The following ASAH1 variants were observed in gnomAD, a reference collection of about 807,000 sequenced individuals.
The protein encoded by ASAH1 is acid ceramidase.
Under a neutral mutation model 59.5 loss-of-function variants are expected in ASAH1, and 70 were observed. The observed-to-expected ratio is 1.18, with a 90% CI of 0.97 to 1.43. ASAH1 has a LOEUF of 1.43. ASAH1 is among the 40% of genes most tolerant of loss of function. The probability of loss-of-function intolerance (pLI) is 0.00; values close to 1 mark genes in which losing one functional copy is unlikely to be tolerated. For missense variants in ASAH1, 660 were observed against 482.5 expected, an observed-to-expected ratio of 1.37 and a Z score of -3.45; for synonymous variants, 213 against 166.5, an observed-to-expected ratio of 1.28 and a Z score of -2.15.
intron 6 of ASAH1, chr8:18,063,525 G>T (rs563396516): frequency 1.4e-4 from 42 of 298,494 alleles, no homozygotes; most frequent in Non-Finnish European, 2.5e-4. Context: ...TACCATGTTG[G>T]CCAGTCTGGT....
At chr8:18,080,904 T>G (rs1800624725) in intron 1 of ASAH1, among the ~76,000 whole-genome samples, 1 of 152,190 alleles carries the variant, frequency 6.6e-6, no homozygotes, top group East Asian at 1.9e-4. Flanking sequence ...GACACATACA[T>G]GTGCAAGTTA....
In ASAH1 at chr8:18,056,393, C is replaced by G. The variant is rs1799471286; in HGVS notation, c.*1141G>C. The stretch of plus-strand genomic sequence containing the variant: ...CTTGTATTTCTTGATAATAACCCCC[C>G]TCCTCCAAACCAACACAGATGTACA... On this transcript the variant is annotated 3_prime_UTR_variant, in exon 14 of 14. Transcript: ENST00000637790. 6.6e-6 allele frequency: 1 copy of G among 152,168 alleles called. No individual in the cohort carries two copies. Among genetic ancestry groups the G allele is most frequent in the Non-Finnish European group, 1.5e-5 (1 of 68,042 alleles). 9.4% of individuals were successfully genotyped at this position (152,168 alleles called of 1,614,324 possible).
intron 10 of ASAH1, 164 bp downstream of exon 10, chr8:18,061,213 G>A: frequency 1.7e-6 from 1 of 602,052 alleles, no homozygotes; most frequent in Admixed American, 2.6e-5. Flanking sequence ...CACACAGTCT[G>A]CACGAAGAAA....
At chr8:18,063,255 C>G in intron 6 of ASAH1, 25 bp from the exon 7 acceptor site, 1 of 1,581,148 alleles carries the variant, frequency 6.3e-7, no homozygotes, top group Non-Finnish European at 8.7e-7. Flanking sequence ...ACAGAAGAGA[C>G]GTGTAATAGC....
chr8:18,075,390 A>G, intron 2 of ASAH1, 151 bp downstream of exon 2: 1 of 865,198 alleles, frequency 1.2e-6, no homozygotes, highest in Non-Finnish European at 2.0e-6. Context: ...CCAAATGCAT[A>G]ATAAACAAAT....
intron 6 of ASAH1, 95 bp downstream of exon 6, chr8:18,064,362 T>C (rs1014612561): frequency 1.7e-5 from 17 of 986,840 alleles, no homozygotes; most frequent in African/African-American, 9.7e-5. Context: ...AGAATTTACA[T>C]AGCAAGCCCA....
Position 18,083,976 on chromosome 8 carries a change from C to G in ASAH1, c.78+5G>C, listed in dbSNP as rs1485583009. On this transcript the variant is annotated splice_donor_5th_base_variant and intron_variant, in intron 1 of 13. Transcript: ENST00000637790. ...CTCTCTGCGCCTCGGCTCAAGCTCA[C>G]TCACCGGCGGCGCGTGCTGCGCGAC... 6.3e-7 allele frequency: 1 copy of G among 1,597,692 alleles called. No homozygotes were observed. The highest frequency in any genetic ancestry group is 1.1e-5 in the South Asian group (1 of 90,936).
intron 2 of ASAH1, among the ~76,000 whole-genome samples, chr8:18,072,446 G>T (rs983967750): frequency 2.0e-5 from 3 of 152,142 alleles, no homozygotes; most frequent in African/African-American, 7.2e-5. Context: ...TGGGGCCCTG[G>T]TATATGTATG....
In ASAH1 at chr8:18,059,429, T is replaced by A; in HGVS notation, c.953A>T (p.Gln318Leu). The A allele has an allele frequency of 3.7e-6, 6 of 1,614,230 alleles. No homozygotes were observed. Among genetic ancestry groups the A allele is most frequent in the Non-Finnish European group, 5.1e-6 (6 of 1,180,044 alleles). ...DAKQGRWYVV[Q>L]TNYDRWKHPF... Reference sequence around the variant, plus strand: ...ATGTTTCCAACGGTCATAATTTGTTTGTACCACATACCATCTACCCTGCTT... The same window carrying A: ...ATGTTTCCAACGGTCATAATTTGTTAGTACCACATACCATCTACCCTGCTT... The change falls in exon 12 of 14, where the codon CAA becomes CTA. Residue 318 changes from glutamine (Q) to leucine (L), a missense_variant. Gln to Leu is a moderately radical substitution (Grantham distance 113, BLOSUM62 -2). Transcript: ENST00000637790.
chr8:18,066,546 C>CAAAAAAAAGG (rs926411201), intron 5 of ASAH1: 1 of 149,430 alleles, frequency 6.7e-6, no homozygotes, highest in African/African-American at 2.5e-5. Flanking sequence ...TTGACACTAA[C>CAAAAAAAAGG]AAAAAAAAAG....
At chr8:18,077,569 AG>A (rs1385964906) in intron 1 of ASAH1, among the ~76,000 whole-genome samples, 2 of 152,246 alleles carry the variant, frequency 1.3e-5, no homozygotes, top group Admixed American at 6.5e-5. Flanking sequence ...GTATGTTGAC[AG>A]TCAAGAAAAA....
rs1799849914 is a variant in ASAH1 at position 18,064,532 on chromosome 8, C to G, written c.383-1G>C. On this transcript the variant is annotated splice_acceptor_variant, in intron 5 of 13. Coordinates refer to ENST00000637790, the MANE Select transcript of ASAH1 (RefSeq NM_177924.5). LOFTEE classifies it high-confidence loss of function. ...AAAATATTGAATGAAATAATCTCTC[C>G]TATGAGAAAAGAAAATTTTGTGTTA... 1.3e-6 allele frequency: 2 copies of G among 1,515,188 alleles called. No homozygotes were observed. Among genetic ancestry groups the G allele is most frequent in the African/African-American group, 2.8e-5 (2 of 71,960 alleles). 93.9% of individuals were successfully genotyped at this position (1,515,188 alleles called of 1,614,324 possible). A position where few individuals can be genotyped will look rare whatever the true frequency, so the allele number is the denominator to read the frequency against.
chr8:18,081,195 T>C (rs1196749963), intron 1 of ASAH1, among the ~76,000 whole-genome samples: 1 of 152,154 alleles, frequency 6.6e-6, no homozygotes, highest in Non-Finnish European at 1.5e-5. Flanking sequence ...ACTTCAGCAA[T>C]GTGCAGGTCA....
At chr8:18,062,548 G>A (rs1254840349) in intron 7 of ASAH1, 125 bp from the exon 8 acceptor site, 10 of 1,070,016 alleles carry the variant, frequency 9.3e-6, no homozygotes, top group Non-Finnish European at 1.3e-5. Context: ...ATCCTAACAA[G>A]ACCTTTACAA....
intron 7 of ASAH1, chr8:18,062,653 C>CAGAT (rs1799755077): frequency 1.8e-6 from 1 of 549,946 alleles, no homozygotes; most frequent in Non-Finnish European, 3.2e-6. Context: ...AATAGTGAGC[C>CAGAT]TCAGATTCAA....
intron 1 of ASAH1, among the ~76,000 whole-genome samples, chr8:18,080,610 T>G (rs553920497): frequency 2.0e-5 from 3 of 152,310 alleles, no homozygotes; most frequent in South Asian, 4.1e-4. Context: ...CAGGCTGGAG[T>G]GCAATGGCAG....
At position 18,075,585 on chromosome 8, in the gene ASAH1, C is replaced by T; in HGVS notation, c.81G>A (p.Trp27Ter). Reference protein sequence around the residue: ...SCAVAQHAPPWTEDCRKSTYP... With the variant: ...SCAVAQHAPP ...AGGTTGATTTTCTGCAGTCCTCTGT[C>T]CACTGAAAAGCAAAGAAAATTAAGT... The change falls in exon 2 of 14, where the codon TGG becomes TGA. Residue 27 changes from tryptophan to a stop codon, truncating the protein, a stop_gained and splice_region_variant. Transcript: ENST00000637790. LOFTEE classifies it high-confidence loss of function. 1 of 1,614,046 alleles carries T rather than the reference C, an allele frequency of 6.2e-7. No homozygotes were observed. The highest frequency in any genetic ancestry group is 1.3e-5 in the African/African-American group (1 of 75,024).
intron 12 of ASAH1, 158 bp from the exon 13 acceptor site, chr8:18,059,049 G>C (rs1799581112): frequency 2.8e-6 from 2 of 712,092 alleles, no homozygotes; most frequent in Admixed American, 2.7e-5. Context: ...AGAAACACAG[G>C]TAACAGTTTT....
In ASAH1 at chr8:18,058,954, C is replaced by T. The variant is rs1490729019; in HGVS notation, c.1042-63G>A. On this transcript the variant is annotated intron_variant, in intron 12 of 13. Coordinates refer to ENST00000637790, the MANE Select transcript of ASAH1 (RefSeq NM_177924.5). ...ATACAGAAGCCAACAGCCTTATCTA[C>T]ACACATGGGCCACCAGAAACCAAGA... 4 of 1,400,666 alleles carry T rather than the reference C, an allele frequency of 2.9e-6. No homozygotes were observed. In the African/African-American group the frequency reaches 4.3e-5, roughly 15 times the overall value. 86.8% of individuals were successfully genotyped at this position (1,400,666 alleles called of 1,614,324 possible). A position where few individuals can be genotyped will look rare whatever the true frequency, so the allele number is the denominator to read the frequency against.
Sources: gnomAD v4.1 joint callset for allele counts (sites outside exome capture counted in the v4.1 genomes callset) on GRCh38, gnomAD v4.1.1 for gene constraint, MANE v1.5 for transcripts, NCBI Gene and HGNC (gene_info 2026-07-23, HGNC 2026-07-21) for gene names.